ARSL: variants seen among roughly 807,000 people sequenced by gnomAD.
The protein encoded by ARSL is arylsulfatase E (chondrodysplasia punctata 1).
A neutral mutation model predicts 31.1 loss-of-function variants in ARSL; 4 were observed. That is an observed-to-expected ratio of 0.13 (90% CI 0.06 to 0.29). ARSL has a LOEUF of 0.29. ARSL is among the 10% of genes least tolerant of loss of function. ARSL has a pLI of 1.00. For synonymous variants in ARSL, 198 were observed against 209.9 expected, an observed-to-expected ratio of 0.94 and a Z score of 0.49; for missense variants, 312 against 497.8, an observed-to-expected ratio of 0.63 and a Z score of 3.55.
At position 2,948,125 on chromosome X, in the gene ARSL, A is replaced by G. The variant is rs184794260; in HGVS notation, c.854+1179T>C. ...CATAGCTCGAGACTCTGTCTCAAAA[A>G]AAAAAAGAAAAAAATTATCTAAGAA... On this transcript the variant is annotated intron_variant, in intron 6 of 10. Coordinates refer to ENST00000381134, the MANE Select transcript of ARSL (RefSeq NM_000047.3). Among the ~76,000 whole-genome samples the G allele has an allele frequency of 2.3e-3, 258 of 112,419 alleles. 2 individuals carry two copies. The highest frequency in any genetic ancestry group is 3.8e-3 in the Non-Finnish European group (205 of 53,255).
At chrX:2,968,177 T>C (rs1354700559), upstream of ARSL, 1 of 1,154,392 alleles carries the variant, frequency 8.7e-7, no homozygotes, top group South Asian at 1.9e-5. Flanking sequence ...AGGGCGACAC[T>C]GGCTGGATGT....
intron 1 of ARSL, among the ~76,000 whole-genome samples, chrX:2,961,496 A>T: frequency 8.9e-6 from 1 of 111,845 alleles, no homozygotes; most frequent in South Asian, 3.8e-4. Context: ...ATATATTGTG[A>T]CTTACTTTCC....
intron 5 of ARSL, among the ~76,000 whole-genome samples, chrX:2,950,302 C>A (rs1346996200): frequency 6.2e-5 from 7 of 112,143 alleles, no homozygotes; most frequent in Non-Finnish European, 1.1e-4. Flanking sequence ...CTATTGTGAG[C>A]TGGATCCTGG....
At chrX:2,946,610 G>A (rs757480303) in intron 6 of ARSL, among the ~76,000 whole-genome samples, 2 of 100,164 alleles carry the variant, frequency 2.0e-5, no homozygotes, top group East Asian at 3.2e-4. Flanking sequence ...TGCCCATCTC[G>A]GCCTTCCAAA....
rs1264606318 is a variant in ARSL at position 2,958,176 on chromosome X, G to A, written c.185+98C>T. 6.5e-6 allele frequency: 7 copies of A among 1,084,628 alleles called. No homozygotes were observed. In the East Asian group the frequency reaches 2.2e-4, roughly 35 times the overall value. The allele number at this position is 1,084,628 out of a possible 1,213,427, so 89.4% of individuals were successfully genotyped here. A position where few individuals can be genotyped will look rare whatever the true frequency, so the allele number is the denominator to read the frequency against. On this transcript the variant is annotated intron_variant, in intron 3 of 10. Transcript: ENST00000381134. ...CAGAAGTGCAGAACTCTTGAAGTGTGAACTGCCAAGATCAAGGGTTATATG... is the reference window on the plus strand; with the variant it reads ...CAGAAGTGCAGAACTCTTGAAGTGTAAACTGCCAAGATCAAGGGTTATATG...
chrX:2,959,080 C>T (rs1020774246), intron 2 of ARSL, among the ~76,000 whole-genome samples: 2 of 112,156 alleles, frequency 1.8e-5, no homozygotes, highest in African/African-American at 6.5e-5. Flanking sequence ...GCCCCTTCTC[C>T]ATTCCCTCTT....
At chrX:2,953,367 T>C (rs2089486785) in intron 4 of ARSL, 102 bp from the exon 5 acceptor site, 1 of 964,782 alleles carries the variant, frequency 1.0e-6, no homozygotes, top group Non-Finnish European at 1.4e-6. Flanking sequence ...AAAATCTCTC[T>C]TACTTAAAAT....
chrX:2,964,407 C>G (rs976769899), upstream of ARSL: 6 of 751,730 alleles, frequency 8.0e-6, no homozygotes, highest in Non-Finnish European at 9.4e-6. Context: ...AGACTCCCCC[C>G]ACATCGCAGC....
chrX:2,953,416 G>T, intron 4 of ARSL, 151 bp from the exon 5 acceptor site: 2 of 657,350 alleles, frequency 3.0e-6, no homozygotes, highest in Non-Finnish European at 4.4e-6. Flanking sequence ...TTTGCCTAGT[G>T]GATTGCATTT....
rs758630649 is a variant in ARSL at position 2,958,374 on chromosome X, C to A, written c.85G>T (p.Ala29Ser). ...LAVLLSLAPS[A>S]SSDISASRPN... ...CGGGAGGCGGAAATGTCGCTGGAAG[C>A]TGATGGTGCCAAACTTAGCAGTACA... Residue 29 changes from alanine to serine, a missense_variant, in exon 3 of 11, where the codon GCT (alanine) becomes TCT (serine). Coordinates refer to ENST00000381134, the MANE Select transcript of ARSL (RefSeq NM_000047.3). The A allele has an allele frequency of 5.0e-6, 6 of 1,210,646 alleles. No homozygotes were observed. In the African/African-American group the frequency reaches 1.0e-4, roughly 21 times the overall value.
chrX:2,963,533 C>CTTTTTTTTTTTTTTTTTTTTTTTTTTTTT (rs769134287), intron 1 of ARSL, among the ~76,000 whole-genome samples: 1 of 59,784 alleles, frequency 1.7e-5, no homozygotes, highest in Non-Finnish European at 2.9e-5. Context: ...TTTTCTTTTC[C>CTTTTTTTTTTTTTTTTTTTTTTTTTTTTT]TTTTTTTTTT....
intron 8 of ARSL, among the ~76,000 whole-genome samples, chrX:2,939,535 AGTT>A (rs748704633): frequency 1.8e-5 from 2 of 112,009 alleles, no homozygotes; most frequent in Non-Finnish European, 3.8e-5. Flanking sequence ...TTCAATGTGA[AGTT>A]GTTGTGGGAA....
rs764323453 is a variant in ARSL at position 2,949,736 on chromosome X, C to G, written c.431-9G>C. On this transcript the variant is annotated splice_polypyrimidine_tract_variant and intron_variant, in intron 5 of 10. Transcript: ENST00000381134. The stretch of plus-strand genomic sequence containing the variant: ...ACCCAGATGCCATTTTCCTGAGAGG[C>G]AAAAAGGATGTTGATGTGACAAGCA... The G allele has an allele frequency of 6.6e-6, 8 of 1,206,327 alleles. No homozygotes were observed. In the African/African-American group the frequency reaches 1.1e-4, roughly 16 times the overall value.
chrX:2,967,761 C>T (rs769394278), upstream of ARSL, among the ~76,000 whole-genome samples: 2 of 111,997 alleles, frequency 1.8e-5, no homozygotes, highest in Non-Finnish European at 3.8e-5. Flanking sequence ...GCTTCAGCCC[C>T]GGGCTGCGAG....
At chrX:2,951,415 C>G (rs2089458085) in intron 5 of ARSL, among the ~76,000 whole-genome samples, 1 of 110,117 alleles carries the variant, frequency 9.1e-6, no homozygotes, top group South Asian at 3.9e-4. Context: ...CCAATGCTGT[C>G]TGCCATCTGG....
rs779081651 is a variant in ARSL at position 2,958,366 on chromosome X, G to A, written c.93C>T (p.Ser31=). The change falls in exon 3 of 11, where the codon AGC becomes AGT. Residue 31 remains serine (S), a synonymous_variant. Coordinates refer to ENST00000381134, the MANE Select transcript of ARSL (RefSeq NM_000047.3). ...TGTTCGGTCGGGAGGCGGAAATGTCGCTGGAAGCTGATGGTGCCAAACTTA... is the reference window on the plus strand; with the variant it reads ...TGTTCGGTCGGGAGGCGGAAATGTCACTGGAAGCTGATGGTGCCAAACTTA... ...VLLSLAPSAS[S]DISASRPNIL... The A allele has an allele frequency of 2.5e-6, 3 of 1,210,400 alleles. No individual in the cohort carries two copies. The highest frequency in any genetic ancestry group is 2.2e-5 in the Admixed American group (1 of 45,782).
At chrX:2,967,032 G>A (rs1209409637), upstream of ARSL, among the ~76,000 whole-genome samples, 2 of 111,072 alleles carry the variant, frequency 1.8e-5, no homozygotes, top group Non-Finnish European at 3.8e-5. Flanking sequence ...AAATGTTTAT[G>A]TGTGTATGTA....
intron 3 of ARSL, among the ~76,000 whole-genome samples, chrX:2,956,793 A>G (rs895692151): frequency 9.1e-6 from 1 of 110,132 alleles, no homozygotes; most frequent in African/African-American, 3.3e-5. Flanking sequence ...TCTGTCGCCC[A>G]GAGTGCAGTG....
At chrX:2,958,652 A>C (rs2089560457) in intron 2 of ARSL, among the ~76,000 whole-genome samples, 1 of 111,044 alleles carries the variant, frequency 9.0e-6, no homozygotes, top group Non-Finnish European at 1.9e-5. Flanking sequence ...GTTTTTTTTG[A>C]TGCTGTAAAG....
Sources: gnomAD v4.1 joint callset for allele counts (sites outside exome capture counted in the v4.1 genomes callset) on GRCh38, gnomAD v4.1.1 for gene constraint, MANE v1.5 for transcripts, NCBI Gene and HGNC (gene_info 2026-07-23, HGNC 2026-07-21) for gene names.